Variants in NFIA observed in about 807,000 individuals in gnomAD.
NFIA encodes the protein nuclear factor I A.
NFIA carries 8 observed loss-of-function variants against 62.8 expected under a neutral mutation model. That is an observed-to-expected ratio of 0.13 (90% CI 0.07 to 0.23). The LOEUF is 0.23. NFIA is among the 10% of genes least tolerant of loss of function. NFIA has a pLI of 1.00. For synonymous variants in NFIA, 235 were observed against 238.1 expected (o/e 0.99, Z 0.12); for missense variants, 410 against 642.1 (o/e 0.64, Z 3.91).
At chr1:61,362,555 A>G (rs572249204) in intron 6 of NFIA, among the ~76,000 whole-genome samples, 30 of 152,348 alleles carry the variant, frequency 2.0e-4, no homozygotes, top group African/African-American at 6.7e-4. Flanking sequence ...AGATTGTGGA[A>G]AGTAAAACAA....
At chr1:61,146,702 T>C (rs1316017636) in intron 2 of NFIA, among the ~76,000 whole-genome samples, 2 of 152,206 alleles carry the variant, frequency 1.3e-5, no homozygotes, top group Admixed American at 1.3e-4. Flanking sequence ...TGGATTTACT[T>C]GTTGCCCACT....
intron 7 of NFIA, among the ~76,000 whole-genome samples, chr1:61,383,939 T>C (rs1443745299): frequency 1.3e-5 from 2 of 152,204 alleles, no homozygotes; most frequent in African/African-American, 4.8e-5. Flanking sequence ...ATTGCAATGT[T>C]TTCATTATTT....
rs34853369 is a variant in NFIA, at chr1:61,358,379, C to CTTTTTTTTTT, written c.819-752_819-743dup. On this transcript the variant is annotated intron_variant, in intron 5 of 10. Coordinates refer to ENST00000403491, the MANE Select transcript of NFIA (RefSeq NM_001134673.4). ...TCATTTTCTTTTCTTTTCTTTCTTTCTTTTTTTTTTTTTTTTTTTTTTTTT... is the reference window on the plus strand; with the variant it reads ...TCATTTTCTTTTCTTTTCTTTCTTTCTTTTTTTTTTTTTTTTTTTTTTTTTTTTTTTTTTT... Among the ~76,000 whole-genome samples the CTTTTTTTTTT allele has an allele frequency of 6.8e-4, 36 of 52,612 alleles. 1 individual carries two copies. Among genetic ancestry groups the CTTTTTTTTTT allele is most frequent in the Non-Finnish European group, 7.9e-4 (25 of 31,560 alleles). 34.5% of individuals were successfully genotyped at this position (52,612 alleles called of 152,430 possible).
At chr1:61,380,474 ATT>A (rs1664361855) in intron 6 of NFIA, among the ~76,000 whole-genome samples, 1 of 152,166 alleles carries the variant, frequency 6.6e-6, no homozygotes, top group Admixed American at 6.5e-5. Context: ...AAAGGAGTTT[ATT>A]TTTAAAGTAA....
intron 2 of NFIA, among the ~76,000 whole-genome samples, chr1:61,101,577 G>A (rs957620115): frequency 6.6e-6 from 1 of 152,082 alleles, no homozygotes; most frequent in Non-Finnish European, 1.5e-5. Flanking sequence ...AAACAGAAAG[G>A]AAGCGAAGGC....
chr1:61,329,185 T>C (rs1661143788), intron 3 of NFIA, among the ~76,000 whole-genome samples: 1 of 150,742 alleles, frequency 6.6e-6, no homozygotes, highest in South Asian at 2.1e-4. Context: ...GTAGCTGGGA[T>C]TACAAGCGTG....
chr1:61,139,763 CTA>C (rs932548011), intron 2 of NFIA, among the ~76,000 whole-genome samples: 9 of 150,486 alleles, frequency 6.0e-5, no homozygotes, highest in Admixed American at 5.4e-4. Flanking sequence ...CTTTAAAAGA[CTA>C]TGTCATGAGC....
chr1:61,395,843 C>G (rs936615199), intron 7 of NFIA, among the ~76,000 whole-genome samples: 1 of 152,088 alleles, frequency 6.6e-6, no homozygotes, highest in Non-Finnish European at 1.5e-5. Flanking sequence ...TACAGTCTCC[C>G]CAAAGCCAAA....
In NFIA at chr1:61,082,672, TTCTCTC is replaced by T. The variant is rs113913435; in HGVS notation, c.-100_-95del. On this transcript the variant is annotated 5_prime_UTR_variant, in exon 1 of 11. Coordinates refer to ENST00000403491, the MANE Select transcript of NFIA (RefSeq NM_001134673.4). ...AGGCTTGATTTTTTTTTCTCCCCCC[TTCTCTC>T]TCTCTCTCTCTCTCTCTCTTCCTCT... 4.6e-4 allele frequency: 671 copies of T among 1,445,334 alleles called. 1 individual carries two copies. The highest frequency in any genetic ancestry group is 1.9e-3 in the South Asian group (148 of 76,178). The allele number at this position is 1,445,334 out of a possible 1,614,324, so 89.5% of individuals were successfully genotyped here. A position where few individuals can be genotyped will look rare whatever the true frequency, so the allele number is the denominator to read the frequency against.
At chr1:61,162,450 A>G (rs983548519) in intron 2 of NFIA, among the ~76,000 whole-genome samples, 8 of 152,180 alleles carry the variant, frequency 5.3e-5, no homozygotes, top group African/African-American at 1.7e-4. Flanking sequence ...TGATCTGCCA[A>G]AAGCCACATG....
chr1:61,082,510 A>C (rs1646123916), upstream of NFIA: 4 of 1,246,008 alleles, frequency 3.2e-6, no homozygotes, highest in Non-Finnish European at 4.0e-6. Flanking sequence ...CTATGCCTTT[A>C]ACACCCGCGT....
intron 3 of NFIA, among the ~76,000 whole-genome samples, chr1:61,321,411 G>C (rs1660672652): frequency 6.6e-6 from 1 of 151,760 alleles, no homozygotes; most frequent in Non-Finnish European, 1.5e-5. Flanking sequence ...TGACGAGAGA[G>C]AGAAAGGGAG....
At chr1:61,124,643 A>G (rs1646939042) in intron 2 of NFIA, 1 of 152,172 alleles carries the variant, frequency 6.6e-6, no homozygotes, top group Non-Finnish European at 1.5e-5. Context: ...AAAAGTGTTT[A>G]TTGTCATGGT....
intron 2 of NFIA, among the ~76,000 whole-genome samples, chr1:61,271,565 CA>C (rs1657508226): frequency 6.6e-6 from 1 of 152,142 alleles, no homozygotes; most frequent in Non-Finnish European, 1.5e-5. Context: ...GAGCAGCTGG[CA>C]GCCCCCAGGG....
chr1:61,426,169 A>G (rs1441083851), intron 9 of NFIA, among the ~76,000 whole-genome samples: 1 of 152,196 alleles, frequency 6.6e-6, no homozygotes, highest in African/African-American at 2.4e-5. Context: ...TTTAACTCAG[A>G]AAGTATACTT....
At position 61,370,728 on chromosome 1, in the gene NFIA, A is replaced by C. The variant is rs143116741; in HGVS notation, c.946+11454A>C. Reference sequence around the variant, plus strand: ...GCCCACTGTGGGGAACTGGCTTTCCAGACAGCTGTGAATGTTCGGTATTTA... The same window carrying C: ...GCCCACTGTGGGGAACTGGCTTTCCCGACAGCTGTGAATGTTCGGTATTTA... On this transcript the variant is annotated intron_variant, in intron 6 of 10. Transcript: ENST00000403491. Among the ~76,000 whole-genome samples the C allele has an allele frequency of 8.2e-3, 1,249 of 152,280 alleles. 20 individuals carry two copies. Among genetic ancestry groups the C allele is most frequent in the East Asian group, 0.04 (207 of 5,184 alleles).
chr1:61,159,068 ATCT>A (rs1234819879), intron 2 of NFIA, among the ~76,000 whole-genome samples: 24 of 151,860 alleles, frequency 1.6e-4, no homozygotes, highest in African/African-American at 5.6e-4. Flanking sequence ...TTTTTTTTCC[ATCT>A]TCTTCTCCGA....
chr1:61,172,911 T>C (rs1382899038), intron 2 of NFIA, among the ~76,000 whole-genome samples: 1 of 152,204 alleles, frequency 6.6e-6, no homozygotes, highest in South Asian at 2.1e-4. Flanking sequence ...ATAATAATCC[T>C]TTATATTTGT....
At chr1:61,323,197 C>A (rs1309456958) in intron 3 of NFIA, among the ~76,000 whole-genome samples, 1 of 152,154 alleles carries the variant, frequency 6.6e-6, no homozygotes, top group Non-Finnish European at 1.5e-5. Context: ...TCATGATAAA[C>A]CAAAATGACA....
Sources: gnomAD v4.1 joint callset for allele counts (sites outside exome capture counted in the v4.1 genomes callset) on GRCh38, gnomAD v4.1.1 for gene constraint, MANE v1.5 for transcripts, NCBI Gene and HGNC (gene_info 2026-07-23, HGNC 2026-07-21) for gene names.